BICRA: variants seen among roughly 807,000 people sequenced by gnomAD.
BICRA encodes the protein BRD4 interacting chromatin remodeling complex associated protein.
In BICRA, 31 loss-of-function variants were observed where a neutral mutation model predicts 96.9. The ratio of observed to expected loss-of-function variants is 0.32; its 90% CI spans 0.24 to 0.43. The LOEUF is 0.43. Among genes scored for constraint, BICRA ranks in the 20% least tolerant of loss-of-function variants. The pLI is 1.00. For missense variants in BICRA, 2,283 were observed against 2,190.3 expected, an observed-to-expected ratio of 1.04 and a Z score of -0.84; for synonymous variants, 1,350 against 1,071.8, an observed-to-expected ratio of 1.26 and a Z score of -5.07.
intron 1 of BICRA, among the ~76,000 whole-genome samples, chr19:47,653,207 G>C (rs1972566557): frequency 6.6e-6 from 1 of 151,780 alleles, no homozygotes; most frequent in Non-Finnish European, 1.5e-5. Flanking sequence ...TATTTTAGTA[G>C]AGATGGGGTT....
chr19:47,669,414 A>G (rs12461639), intron 1 of BICRA, among the ~76,000 whole-genome samples: 49,845 of 151,926 alleles, frequency 0.33, 10,473 homozygotes, highest in African/African-American at 0.59. Flanking sequence ...CAGGAGTGGC[A>G]GCTCAGCGTT....
rs1393451464 is a variant in BICRA at position 47,698,245 on chromosome 19, TC to T, written c.3249-386del. ...ACAGGATCCAGCCTCCCTCCCTTCTTCCCGAAGGCTGCACTTTGGAGGAGGC... is the reference window on the plus strand; with the variant it reads ...ACAGGATCCAGCCTCCCTCCCTTCTTCCGAAGGCTGCACTTTGGAGGAGGC... On this transcript the variant is annotated intron_variant, in intron 11 of 14. Coordinates refer to ENST00000594866, the MANE Select transcript of BICRA (RefSeq NM_001394372.1). This position sits in a 1 kb window ranked among gnomAD's most constrained non-coding sequence, Gnocchi z 4.8. Among the ~76,000 whole-genome samples, 1 of 152,046 alleles carries T rather than the reference TC, an allele frequency of 6.6e-6. No individual in the cohort carries two copies. Among genetic ancestry groups the T allele is most frequent in the African/African-American group, 2.4e-5 (1 of 41,400 alleles).
chr19:47,633,690 G>A (rs1425354822), intron 1 of BICRA, among the ~76,000 whole-genome samples: 5 of 152,164 alleles, frequency 3.3e-5, no homozygotes, highest in Admixed American at 3.3e-4. Context: ...AGGGAGCAAA[G>A]TCTCTTCTCC....
intron 1 of BICRA, among the ~76,000 whole-genome samples, chr19:47,644,411 C>T (rs937337313): frequency 1.3e-5 from 2 of 151,092 alleles, no homozygotes; most frequent in African/African-American, 4.9e-5. Flanking sequence ...TTCTCTCTCT[C>T]CTTCCTTGCT....
Position 47,651,258 on chromosome 19 carries a change from C to T in BICRA, c.-107-19185C>T, listed in dbSNP as rs180765239. ...CTGGAATAAAAGCTGAAGTCCTCGC[C>T]CTCGTTGTCTGTCTGACCTCGCCTC... On this transcript the variant is annotated intron_variant, in intron 1 of 14. Coordinates refer to ENST00000594866, the MANE Select transcript of BICRA (RefSeq NM_001394372.1). 9.4e-4 allele frequency among the ~76,000 whole-genome samples: 143 copies of T among 152,222 alleles called. 1 individual carries two copies. Among genetic ancestry groups the T allele is most frequent in the Admixed American group, 3.1e-3 (48 of 15,274 alleles).
chr19:47,609,465 G>A (rs1307656375), intron 1 of BICRA, among the ~76,000 whole-genome samples: 8 of 90,070 alleles, frequency 8.9e-5, no homozygotes, highest in Non-Finnish European at 5.3e-5. Context: ...CCGCCGCCCC[G>A]ATCCTATGGG....
chr19:47,648,615 G>T (rs1288178309), intron 1 of BICRA, among the ~76,000 whole-genome samples: 1 of 151,432 alleles, frequency 6.6e-6, no homozygotes. Flanking sequence ...ACTCATGCCT[G>T]TAATCCCAGC....
At chr19:47,649,493 A>C (rs1309884992) in intron 1 of BICRA, among the ~76,000 whole-genome samples, 1 of 152,170 alleles carries the variant, frequency 6.6e-6, no homozygotes, top group Non-Finnish European at 1.5e-5. Context: ...GCCTGGAGAC[A>C]CTTCACTTCC....
At chr19:47,681,447 G>T (rs1190780437) in intron 6 of BICRA, among the ~76,000 whole-genome samples, 171 bp downstream of exon 6, 1 of 152,196 alleles carries the variant, frequency 6.6e-6, no homozygotes, top group Non-Finnish European at 1.5e-5. Context: ...AAGGGTGAGG[G>T]CCCTGGCTGA....
At chr19:47,646,510 T>G (rs1211197191) in intron 1 of BICRA, among the ~76,000 whole-genome samples, 2 of 152,194 alleles carry the variant, frequency 1.3e-5, no homozygotes, top group Non-Finnish European at 2.9e-5. Context: ...GTGTTTTACT[T>G]TTTGAGCCTT....
At chr19:47,661,847 C>G (rs1972709765) in intron 1 of BICRA, 4 of 152,320 alleles carry the variant, frequency 2.6e-5, no homozygotes, top group African/African-American at 9.7e-5. Context: ...ACAGCCCTGG[C>G]TGGGCACAGT....
intron 1 of BICRA, among the ~76,000 whole-genome samples, chr19:47,613,616 C>T (rs920677120): frequency 1.3e-5 from 2 of 152,134 alleles, no homozygotes; most frequent in East Asian, 1.9e-4. Flanking sequence ...CCTCCTTACT[C>T]ACCCCTTCAT....
chr19:47,636,633 G>A (rs1429093666), intron 1 of BICRA, among the ~76,000 whole-genome samples: 1 of 152,126 alleles, frequency 6.6e-6, no homozygotes, highest in Admixed American at 6.6e-5. Flanking sequence ...TCCACCACCT[G>A]AGTGGCTAGG....
Position 47,699,298 on chromosome 19 carries a change from C to G in BICRA, c.3493-5C>G. 1 of 1,539,402 alleles carries G rather than the reference C, an allele frequency of 6.5e-7. No individual in the cohort carries two copies. Among genetic ancestry groups the G allele is most frequent in the South Asian group, 1.2e-5 (1 of 84,014 alleles). On this transcript the variant is annotated splice_region_variant and splice_polypyrimidine_tract_variant and intron_variant, in intron 13 of 14. Coordinates refer to ENST00000594866, the MANE Select transcript of BICRA (RefSeq NM_001394372.1). The surrounding 1 kb of genome is among the most constrained non-coding windows in gnomAD (Gnocchi z 5.0). The stretch of plus-strand genomic sequence containing the variant: ...ACTCGCACGTCGTCTTTTCCCCCAC[C>G]CCAGAGGGTGAGCCCCTCAGCGGAG...
At position 47,627,894 on chromosome 19, in the gene BICRA, C is replaced by G. The variant is rs556101487; in HGVS notation, c.-108+18726C>G. On this transcript the variant is annotated intron_variant, in intron 1 of 14. Transcript: ENST00000594866. ...AAGCGATTCTTCTGCCTCAGCCTCC[C>G]AAGTAGCTGGGATTACAGGCGCATG... 3.3e-5 allele frequency among the ~76,000 whole-genome samples: 5 copies of G among 152,262 alleles called. 1 individual carries two copies. The South Asian group carries it at 8.3e-4, about 25-fold the overall frequency.
In BICRA at chr19:47,694,265, CG is replaced by C; in HGVS notation, c.2435del (p.Arg812ProfsTer30). 1.6e-6 allele frequency: 1 copy of C among 606,092 alleles called. No homozygotes were observed. Among genetic ancestry groups the C allele is most frequent in the Non-Finnish European group, 2.6e-6 (1 of 388,180 alleles). 37.5% of individuals were successfully genotyped at this position (606,092 alleles called of 1,614,324 possible). On this transcript the variant is annotated frameshift_variant, in exon 8 of 15. Coordinates refer to ENST00000594866, the MANE Select transcript of BICRA (RefSeq NM_001394372.1). LOFTEE classifies it high-confidence loss of function. ...ACCCTCCCGGCCACAGAGTGTGTCC[CG>C]CCCTCCCTCAGAGCCACCCTTGCAC... The part of the protein sequence containing the change: ...RPPSRPQSVS[R>X]PPSEPPLHPC...
chr19:47,667,812 C>T (rs1015761229), intron 1 of BICRA, among the ~76,000 whole-genome samples: 1 of 152,200 alleles, frequency 6.6e-6, no homozygotes, highest in Non-Finnish European at 1.5e-5. Context: ...CACCCAGCCT[C>T]GCGATAGTGC....
chr19:47,694,022 G>C (rs1018587192), intron 7 of BICRA, 93 bp from the exon 8 acceptor site: 14 of 1,408,514 alleles, frequency 9.9e-6, no homozygotes, highest in Non-Finnish European at 1.3e-5. Context: ...GGCTTCTGGC[G>C]GGGATGGCTG....
chr19:47,701,917 G>T lies in BICRA; in HGVS notation c.4185G>T (p.Val1395=). 7.0e-7 allele frequency: 1 copy of T among 1,434,906 alleles called. No homozygotes were observed. Among genetic ancestry groups the T allele is most frequent in the Non-Finnish European group, 9.1e-7 (1 of 1,103,124 alleles). 88.9% of individuals were successfully genotyped at this position (1,434,906 alleles called of 1,614,324 possible). The part of the protein sequence containing the change: ...LPLRKTYREN[V]GGPGAPEGTP... ...TGCGCAAGACCTACCGCGAGAACGT[G>T]GGGGGCCCTGGCGCGCCGGAGGGGA... The change falls in exon 15 of 15, where the codon GTG becomes GTT. Residue 1395 remains valine (V), a synonymous_variant. Transcript: ENST00000594866. The surrounding 1 kb of genome is among the most constrained non-coding windows in gnomAD (Gnocchi z 5.4).
Sources: allele counts gnomAD v4.1 joint callset (sites outside exome capture counted in the v4.1 genomes callset), GRCh38; gene constraint gnomAD v4.1.1; non-coding constraint Gnocchi (gnomAD v3.1); transcripts MANE v1.5; gene names NCBI Gene and HGNC (gene_info 2026-07-23, HGNC 2026-07-21).